Variants in VPS4B observed in about 807,000 individuals in gnomAD.
The protein encoded by VPS4B is vacuolar protein sorting-associated protein 4B.
VPS4B carries 23 observed loss-of-function variants against 56.1 expected under a neutral mutation model. The observed-to-expected ratio is 0.41, with a 90% CI of 0.30 to 0.58. VPS4B has a LOEUF of 0.58. VPS4B is among the 20% of genes least tolerant of loss of function. The pLI is 0.29. For synonymous variants in VPS4B, 177 were observed against 186.0 expected (o/e 0.95, Z 0.39); for missense variants, 372 against 531.9 (o/e 0.70, Z 2.96).
chr18:63,410,524 T>A (rs9952252), intron 2 of VPS4B, 78 bp from the exon 3 acceptor site: 1 of 1,540,416 alleles, frequency 6.5e-7, no homozygotes, highest in South Asian at 1.2e-5. Context: ...ATATGTATTT[T>A]TTCAGACAAG....
chr18:63,393,398 A>T lies in VPS4B; in HGVS notation c.1233+11T>A, dbSNP rs1254802558. On this transcript the variant is annotated intron_variant, in intron 10 of 10. Transcript: ENST00000238497. ...TAAAATATTTTCTTAAAAACAAACA[A>T]AATTTCAAACCATGGAAACAACTGG... is the stretch of plus-strand genomic sequence containing the variant. 7 of 1,573,920 alleles carry T rather than the reference A, an allele frequency of 4.4e-6. No homozygotes were observed. Among genetic ancestry groups the T allele is most frequent in the Non-Finnish European group, 6.0e-6 (7 of 1,164,934 alleles).
At position 63,393,535 on chromosome 18, in the gene VPS4B, G is replaced by A. The variant is rs777296257; in HGVS notation, c.1107C>T (p.Ser369=). 1.9e-6 allele frequency: 3 copies of A among 1,593,794 alleles called. No individual in the cohort carries two copies. Among genetic ancestry groups the A allele is most frequent in the Non-Finnish European group, 2.6e-6 (3 of 1,171,868 alleles). Residue 369 remains serine (S), a synonymous_variant, in exon 10 of 11, where the codon TCC becomes TCT. Transcript: ENST00000238497. Reference sequence around the variant, plus strand: ...CTACAAGATGGTTAGGATCAGCTCGGGAAGGTCCGCGAACCTGAAATAAAC... The same window carrying A: ...CTACAAGATGGTTAGGATCAGCTCGAGAAGGTCCGCGAACCTGAAATAAAC... ...ATHFKKVRGP[S]RADPNHLVDD... is the part of the protein sequence containing the mutation.
At chr18:63,402,107 A>T (rs565270266) in intron 5 of VPS4B, among the ~76,000 whole-genome samples, 1 of 152,214 alleles carries the variant, frequency 6.6e-6, no homozygotes, top group South Asian at 2.1e-4. Context: ...GTTTCACTTA[A>T]CTGTTATGAA....
intron 10 of VPS4B, among the ~76,000 whole-genome samples, chr18:63,391,509 G>A (rs1360620464): frequency 1.3e-5 from 2 of 152,208 alleles, no homozygotes; most frequent in Non-Finnish European, 2.9e-5. Flanking sequence ...GATTACAGGC[G>A]TGGGCCCCTG....
chr18:63,406,428 G>A (rs939936710), intron 4 of VPS4B, among the ~76,000 whole-genome samples: 2 of 152,198 alleles, frequency 1.3e-5, no homozygotes, highest in African/African-American at 2.4e-5. Flanking sequence ...TAAAAGTTTG[G>A]CTCAGGTAAG....
At chr18:63,398,160 T>C (rs1255674498) in intron 8 of VPS4B, among the ~76,000 whole-genome samples, 3 of 150,384 alleles carry the variant, frequency 2.0e-5, no homozygotes, top group Admixed American at 6.7e-5. Flanking sequence ...TGTGTGTGTA[T>C]ACATATATAC....
chr18:63,403,737 G>A lies in VPS4B; in HGVS notation c.454C>T (p.Leu152=). The A allele has an allele frequency of 6.2e-7, 1 of 1,612,208 alleles. No homozygotes were observed. ...AKEALKEAVI[L]PIKFPHLFTG... is the part of the protein sequence containing the mutation. ...AAAAGATGAGGAAATTTAATAGGCA[G>A]TATCACAGCCTCTTTCAGTGCTTCT... Residue 152 remains leucine, a synonymous_variant, in exon 5 of 11, where the codon CTG becomes TTG. Transcript: ENST00000238497.
intron 9 of VPS4B, among the ~76,000 whole-genome samples, chr18:63,394,243 GA>G (rs1915620271): frequency 6.6e-6 from 1 of 152,154 alleles, no homozygotes; most frequent in Non-Finnish European, 1.5e-5. Flanking sequence ...CTATAGCTGA[GA>G]AACTTCTGTA....
chr18:63,407,369 T>G, intron 4 of VPS4B, 63 bp downstream of exon 4: 1 of 1,360,154 alleles, frequency 7.4e-7, no homozygotes, highest in Non-Finnish European at 1.0e-6. Flanking sequence ...ACAATTCAAA[T>G]AGACAATTCA....
intron 1 of VPS4B, 77 bp from the exon 2 acceptor site, chr18:63,411,655 G>A: frequency 9.3e-6 from 7 of 751,684 alleles, no homozygotes; most frequent in Non-Finnish European, 1.1e-5. Context: ...CATACTGAAA[G>A]TTTTTTTTTT....
chr18:63,419,349 G>A (rs1256919639), intron 1 of VPS4B, among the ~76,000 whole-genome samples: 2 of 152,064 alleles, frequency 1.3e-5, no homozygotes, highest in Non-Finnish European at 1.5e-5. Flanking sequence ...CCTGGGAGAT[G>A]GAGGTTACCA....
chr18:63,402,545 T>C (rs899064803), intron 5 of VPS4B, among the ~76,000 whole-genome samples: 1 of 152,176 alleles, frequency 6.6e-6, no homozygotes, highest in Non-Finnish European at 1.5e-5. Context: ...TCTCTGTATA[T>C]TTATGCTATA....
chr18:63,406,001 GA>G lies in VPS4B; in HGVS notation c.364+1430del, dbSNP rs576541073. On this transcript the variant is annotated intron_variant, in intron 4 of 10. Coordinates refer to ENST00000238497, the MANE Select transcript of VPS4B (RefSeq NM_004869.4). Reference sequence around the variant, plus strand: ...ACCCTTGTCTCAAAAAAACAAAAAAGAAAAAAAAAATGTATCTTTTCGAAAA... The same window carrying G: ...ACCCTTGTCTCAAAAAAACAAAAAAGAAAAAAAAATGTATCTTTTCGAAAA... 2.4e-3 allele frequency among the ~76,000 whole-genome samples: 345 copies of G among 146,798 alleles called. 2 individuals carry two copies. The highest frequency in any genetic ancestry group is 6.5e-3 in the African/African-American group (260 of 39,928).
At chr18:63,415,684 C>A in intron 1 of VPS4B, 1 of 242,612 alleles carries the variant, frequency 4.1e-6, no homozygotes. Context: ...TGCAGCACTT[C>A]ACTGTCCCCT....
At chr18:63,394,674 C>G (rs952890520) in intron 9 of VPS4B, among the ~76,000 whole-genome samples, 1 of 152,146 alleles carries the variant, frequency 6.6e-6, no homozygotes, top group African/African-American at 2.4e-5. Context: ...ATCATGATGG[C>G]CAGGCTGGTC....
chr18:63,422,058 G>C (rs1238057637), intron 1 of VPS4B, among the ~76,000 whole-genome samples, 175 bp downstream of exon 1: 2 of 152,264 alleles, frequency 1.3e-5, no homozygotes, highest in Admixed American at 6.5e-5. Flanking sequence ...GGCCAGAAAC[G>C]ACCTTTCCGT....
chr18:63,418,173 T>C (rs1411343575), intron 1 of VPS4B, among the ~76,000 whole-genome samples: 1 of 152,180 alleles, frequency 6.6e-6, no homozygotes, highest in Admixed American at 6.5e-5. Flanking sequence ...CCTCAGCTCC[T>C]CGGTTCTCCT....
At chr18:63,412,398 T>C (rs1189845956) in intron 1 of VPS4B, among the ~76,000 whole-genome samples, 1 of 152,232 alleles carries the variant, frequency 6.6e-6, no homozygotes, top group Non-Finnish European at 1.5e-5. Context: ...TTTTTCATTT[T>C]CTACTTTTTC....
Position 63,408,602 on chromosome 18 carries a change from G to T in VPS4B, c.297-1103C>A, listed in dbSNP as rs1460777812. ...GGCGAAGGCACTGGTTTTGCTGAGG[G>T]AGCTGCGCAGAGGATTTACTACCTG... is the stretch of plus-strand genomic sequence containing the variant. On this transcript the variant is annotated intron_variant, in intron 3 of 10. Transcript: ENST00000238497. Among the ~76,000 whole-genome samples the T allele has an allele frequency of 6.6e-5, 10 of 152,192 alleles. 1 individual carries two copies. The highest frequency in any genetic ancestry group is 5.9e-4 in the Admixed American group (9 of 15,274).
Sources: gnomAD v4.1 joint callset for allele counts (sites outside exome capture counted in the v4.1 genomes callset) on GRCh38, gnomAD v4.1.1 for gene constraint, MANE v1.5 for transcripts, NCBI Gene and HGNC (gene_info 2026-07-23, HGNC 2026-07-21) for gene names.